PDE10A: variants seen among roughly 807,000 people sequenced by gnomAD.
PDE10A encodes cAMP and cAMP-inhibited cGMP 3',5'-cyclic phosphodiesterase 10A.
PDE10A carries 39 observed loss-of-function variants against 97.7 expected under a neutral mutation model. That is an observed-to-expected ratio of 0.40 (90% CI 0.31 to 0.52). The LOEUF is 0.52. PDE10A is among the 20% of genes least tolerant of loss of function. The pLI is 0.56. For synonymous variants in PDE10A, 371 were observed against 376.8 expected (o/e 0.98, Z 0.18); for missense variants, 731 against 1,047.8 (o/e 0.70, Z 4.17).
At position 165,623,397 on chromosome 6, in the gene PDE10A, C is replaced by T. The variant is rs549538682; in HGVS notation, c.865+38550G>A. On this transcript the variant is annotated intron_variant, in intron 1 of 21. Coordinates refer to ENST00000539869, the MANE Select transcript of PDE10A (RefSeq NM_001385079.1). Reference sequence around the variant, plus strand: ...CCTCCCAAAGTGCTGGGATTACAGGCGTGAGCCACCACACCCAGCCTCAGG... The same window carrying T: ...CCTCCCAAAGTGCTGGGATTACAGGTGTGAGCCACCACACCCAGCCTCAGG... Among the ~76,000 whole-genome samples the T allele has an allele frequency of 3.1e-3, 474 of 152,052 alleles. 1 individual carries two copies. The highest frequency in any genetic ancestry group is 0.011 in the African/African-American group (452 of 41,468).
intron 4 of PDE10A, 40 bp from the exon 5 acceptor site, chr6:165,449,017 G>A (rs766599795): frequency 2.0e-6 from 3 of 1,505,676 alleles, no homozygotes; most frequent in South Asian, 2.3e-5. Context: ...TGAGCTCAGT[G>A]GGAGAATCTA....
chr6:165,906,037 C>CCCCCTTGCTTCT (rs1782266222), intron 1 of PDE10A, among the ~76,000 whole-genome samples: 1 of 7,744 alleles, frequency 1.3e-4, no homozygotes, highest in African/African-American at 4.8e-4. Flanking sequence ...TCCTTCCTTC[C>CCCCCTTGCTTCT]TTCCTTCCTT....
intron 1 of PDE10A, among the ~76,000 whole-genome samples, chr6:165,951,139 G>A (rs745994229): frequency 3.2e-4 from 48 of 152,150 alleles, no homozygotes; most frequent in Admixed American, 6.5e-5. Flanking sequence ...ATGTCAGCTG[G>A]GGAGGGATCT....
intron 1 of PDE10A, among the ~76,000 whole-genome samples, chr6:165,985,738 AG>A (rs1270749575): frequency 3.1e-5 from 1 of 31,772 alleles, no homozygotes; most frequent in African/African-American, 7.4e-5. Flanking sequence ...CTCCATCCCC[AG>A]TACGGTGTGT....
rs1429074650 is a variant in PDE10A, at chr6:165,662,049, G to A, written c.763C>T (p.Leu255Phe). Reference protein sequence around the residue: ...PRRPQGASFALAAAAALLFGS... With the variant: ...PRRPQGASFAFAAAAALLFGS... ...AAGAGCAGCGCGGCCGCGGCGGCGA[G>A]GGCGAAGCTGGCGCCCTGGGGACGC... The change falls in exon 1 of 22, where the codon CTC becomes TTC. Residue 255 changes from leucine to phenylalanine, a missense_variant. Coordinates refer to ENST00000539869, the MANE Select transcript of PDE10A (RefSeq NM_001385079.1). 1.4e-5 allele frequency: 21 copies of A among 1,462,664 alleles called. No individual in the cohort carries two copies. The highest frequency in any genetic ancestry group is 2.9e-5 in the African/African-American group (2 of 67,930). 90.6% of individuals were successfully genotyped at this position (1,462,664 alleles called of 1,614,324 possible).
chr6:165,726,273 C>T (rs1461861863), intron 1 of PDE10A, among the ~76,000 whole-genome samples: 1 of 151,834 alleles, frequency 6.6e-6, no homozygotes, highest in African/African-American at 2.4e-5. Context: ...TTCTCTAAAG[C>T]AAGCAAATAA....
chr6:165,919,694 T>G (rs1782703954), intron 1 of PDE10A, among the ~76,000 whole-genome samples: 1 of 152,262 alleles, frequency 6.6e-6, no homozygotes, highest in South Asian at 2.1e-4. Context: ...ATAGGCCTGC[T>G]GTCTGGAGTT....
intron 1 of PDE10A, among the ~76,000 whole-genome samples, chr6:165,841,362 T>C (rs1780253812): frequency 6.6e-6 from 1 of 152,234 alleles, no homozygotes; most frequent in South Asian, 2.1e-4. Flanking sequence ...AGATCGGCCC[T>C]GTGGCCTTTG....
At chr6:165,502,798 A>AATGAC (rs1044918325) in intron 2 of PDE10A, among the ~76,000 whole-genome samples, 1 of 152,180 alleles carries the variant, frequency 6.6e-6, no homozygotes, top group African/African-American at 2.4e-5. Flanking sequence ...TATGAACTAT[A>AATGAC]ATGACAAAAG....
chr6:165,662,159 C>T lies in PDE10A; in HGVS notation c.653G>A (p.Arg218Gln), dbSNP rs1043559794. 9.3e-5 allele frequency: 38 copies of T among 406,490 alleles called. No individual in the cohort carries two copies. Among genetic ancestry groups the T allele is most frequent in the Middle Eastern group, 1.2e-3 (1 of 820 alleles). 25.2% of individuals were successfully genotyped at this position (406,490 alleles called of 1,614,324 possible). A position where few individuals can be genotyped will look rare whatever the true frequency, so the allele number is the denominator to read the frequency against. Residue 218 changes from arginine to glutamine, a missense_variant, in exon 1 of 22, where the codon CGG becomes CAG. By Grantham distance (43) the Arg-to-Gln change is conservative (BLOSUM62 1). Around this residue, in one of 8 missense-constraint regions of PDE10A, gnomAD observed 181 missense variants for 159.1 expected, o/e 1.14. Transcript: ENST00000539869. ...GCGGGCGGCCTGGCCAAGGGGGAGC[C>T]GGGGCGGCGGCGGCGGCCGGGGACC... ...RAGPRPPPPP[R>Q]LPLGQAARRA...
chr6:165,573,360 A>G (rs1156917335), intron 1 of PDE10A, among the ~76,000 whole-genome samples: 1 of 151,180 alleles, frequency 6.6e-6, no homozygotes, highest in Non-Finnish European at 1.5e-5. Flanking sequence ...GTTCCATCTC[A>G]TGAATCTAAC....
intron 1 of PDE10A, among the ~76,000 whole-genome samples, chr6:165,875,252 T>C (rs1260086236): frequency 1.3e-5 from 2 of 152,206 alleles, no homozygotes. Flanking sequence ...CTACACTGTC[T>C]GTCATTGTTG....
chr6:165,831,780 C>A lies in PDE10A; in HGVS notation c.-615+155749G>T, dbSNP rs1278762493. On this transcript the variant is annotated intron_variant, in intron 1 of 19. Coordinates refer to the PDE10A transcript ENST00000366882. Reference sequence around the variant, plus strand: ...GATTACAGGTGTGAGCCACTGCACCCGGCCGCAGGAATCATTTCCTTAGTA... The same window carrying A: ...GATTACAGGTGTGAGCCACTGCACCAGGCCGCAGGAATCATTTCCTTAGTA... Among the ~76,000 whole-genome samples the A allele has an allele frequency of 2.0e-5, 3 of 152,122 alleles. No individual in the cohort carries two copies. In the East Asian group the frequency reaches 5.8e-4, roughly 29 times the overall value.
chr6:165,400,269 G>A (rs1057380322), intron 13 of PDE10A, among the ~76,000 whole-genome samples: 2 of 150,898 alleles, frequency 1.3e-5, no homozygotes, highest in African/African-American at 4.9e-5. Context: ...ATGTCTTAAC[G>A]ACCTTAGGTT....
chr6:165,589,449 C>T (rs1463713213), intron 1 of PDE10A, among the ~76,000 whole-genome samples: 1 of 152,150 alleles, frequency 6.6e-6, no homozygotes, highest in East Asian at 1.9e-4. Flanking sequence ...TTTATTATTT[C>T]ATTTAGCTTT....
At chr6:165,354,535 T>C (rs1477890107) in intron 18 of PDE10A, among the ~76,000 whole-genome samples, 1 of 152,200 alleles carries the variant, frequency 6.6e-6, no homozygotes, top group African/African-American at 2.4e-5. Context: ...ATTTGAATAA[T>C]TCAAATCAGT....
At chr6:165,444,892 A>T (rs1562473738) in intron 5 of PDE10A, among the ~76,000 whole-genome samples, 1 of 152,152 alleles carries the variant, frequency 6.6e-6, no homozygotes, top group Non-Finnish European at 1.5e-5. Flanking sequence ...AAACTGTATA[A>T]TTCTTTCTTT....
At chr6:165,660,329 C>G (rs1790177485) in intron 1 of PDE10A, 3 of 152,898 alleles carry the variant, frequency 2.0e-5, no homozygotes, top group Admixed American at 1.3e-4. Context: ...CACCCCTTCC[C>G]CACCTAGACT....
At chr6:165,496,167 G>C (rs187994569) in intron 2 of PDE10A, among the ~76,000 whole-genome samples, 37 of 152,002 alleles carry the variant, frequency 2.4e-4, no homozygotes, top group East Asian at 7.8e-4. Flanking sequence ...ACGTTGAGAC[G>C]CAAGTGTGCC....
Sources: gnomAD v4.1 joint callset for allele counts (sites outside exome capture counted in the v4.1 genomes callset) on GRCh38, gnomAD v4.1.1 for gene constraint, gnomAD v4.1.1 regional missense constraint, MANE v1.5 for transcripts, NCBI Gene and HGNC (gene_info 2026-07-23, HGNC 2026-07-21) for gene names.